Variants in CADM2 observed in about 807,000 individuals in gnomAD.
CADM2 encodes the protein immunoglobulin superfamily member 4D.
Under a neutral mutation model 49.8 loss-of-function variants are expected in CADM2, and 12 were observed. The ratio of observed to expected loss-of-function variants is 0.24; its 90% CI spans 0.15 to 0.39. The LOEUF (loss-of-function observed/expected upper bound fraction) is 0.39, where lower values mean the gene tolerates loss of function less well. Ranked by LOEUF, CADM2 falls within the 10% of genes least tolerant of loss-of-function variation. The pLI is 1.00. For missense variants in CADM2, 378 were observed against 492.3 expected (o/e 0.77, Z 2.20); for synonymous variants, 214 against 175.4 (o/e 1.22, Z -1.74).
chr3:85,799,198 C>T (rs1282369347), intron 2 of CADM2, among the ~76,000 whole-genome samples: 2 of 152,178 alleles, frequency 1.3e-5, no homozygotes, highest in African/African-American at 2.4e-5. Context: ...TCTAAATATA[C>T]AATCATGTCA....
chr3:85,324,863 T>A (rs1559779923), intron 1 of CADM2, among the ~76,000 whole-genome samples: 1 of 152,216 alleles, frequency 6.6e-6, no homozygotes, highest in Non-Finnish European at 1.5e-5. Flanking sequence ...GCCTTTGAAG[T>A]CAGCTGCAGT....
At chr3:85,359,666 A>ATATATATTTTTTTTTTT in intron 1 of CADM2, among the ~76,000 whole-genome samples, 13 of 26,548 alleles carry the variant, frequency 4.9e-4, no homozygotes, top group East Asian at 1.3e-3. Flanking sequence ...ATATATATAT[A>ATATATATTTTTTTTTTT]TTTTTTTTTT....
intron 1 of CADM2, among the ~76,000 whole-genome samples, chr3:85,609,160 T>A (rs1159317943): frequency 1.3e-5 from 2 of 152,022 alleles, no homozygotes; most frequent in South Asian, 4.1e-4. Context: ...CCACTCCTGG[T>A]GTACCAAATA....
intron 1 of CADM2, among the ~76,000 whole-genome samples, chr3:85,365,034 TAATC>T (rs768605727): frequency 4.2e-4 from 64 of 152,178 alleles, no homozygotes; most frequent in African/African-American, 1.4e-3. Flanking sequence ...TTTATGTTCT[TAATC>T]AATAGTTTTT....
intron 3 of CADM2, among the ~76,000 whole-genome samples, chr3:85,829,159 G>T (rs1002279197): frequency 1.8e-4 from 27 of 152,014 alleles, no homozygotes; most frequent in Middle Eastern, 6.9e-3. Flanking sequence ...GCAGAACAAA[G>T]CAGAAAGATG....
intron 1 of CADM2, among the ~76,000 whole-genome samples, chr3:85,603,776 C>G (rs2063480706): frequency 6.6e-6 from 1 of 151,834 alleles, no homozygotes; most frequent in South Asian, 2.1e-4. Context: ...TTTAAAATTC[C>G]AAATAAATCA....
intron 5 of CADM2, among the ~76,000 whole-genome samples, chr3:85,887,464 A>G (rs1713831112): frequency 6.6e-6 from 1 of 152,146 alleles, no homozygotes; most frequent in South Asian, 2.1e-4. Flanking sequence ...GGCTTAGCAG[A>G]TAAGATTGCC....
intron 1 of CADM2, among the ~76,000 whole-genome samples, chr3:85,211,692 C>G (rs1414504998): frequency 1.3e-5 from 2 of 152,090 alleles, no homozygotes; most frequent in African/African-American, 4.8e-5. Flanking sequence ...CGTTTTGCAG[C>G]TTAGCATATG....
At chr3:85,602,554 A>C (rs2063436719) in intron 1 of CADM2, among the ~76,000 whole-genome samples, 1 of 151,746 alleles carries the variant, frequency 6.6e-6, no homozygotes, top group Non-Finnish European at 1.5e-5. Context: ...TTATTTGTTC[A>C]TTGAAGACCA....
intron 1 of CADM2, among the ~76,000 whole-genome samples, chr3:85,250,181 T>C (rs75877340): frequency 6.6e-6 from 1 of 151,626 alleles, no homozygotes; most frequent in African/African-American, 2.4e-5. Context: ...ATTTGCTGAG[T>C]AAAATATTTT....
At chr3:85,635,314 A>G (rs1054935304) in intron 1 of CADM2, among the ~76,000 whole-genome samples, 2 of 152,116 alleles carry the variant, frequency 1.3e-5, no homozygotes, top group African/African-American at 4.8e-5. Context: ...GACACATTCT[A>G]CTATGTCACA....
At chr3:85,644,840 T>C (rs915048874) in intron 1 of CADM2, among the ~76,000 whole-genome samples, 5 of 152,164 alleles carry the variant, frequency 3.3e-5, no homozygotes, top group African/African-American at 1.2e-4. Context: ...TTATTTTCTG[T>C]CAGCTATTTG....
chr3:85,977,370 T>G (rs1486963591), intron 8 of CADM2, among the ~76,000 whole-genome samples: 1 of 151,496 alleles, frequency 6.6e-6, no homozygotes, highest in Non-Finnish European at 1.5e-5. Context: ...ATCATTTACA[T>G]GGAGTTTTAA....
chr3:85,149,099 C>CTT (rs371117754), intron 1 of CADM2, among the ~76,000 whole-genome samples: 51 of 148,066 alleles, frequency 3.4e-4, no homozygotes, highest in African/African-American at 1.2e-3. Flanking sequence ...ATGGTTAGTG[C>CTT]TTTTTTTTTT....
intron 1 of CADM2, among the ~76,000 whole-genome samples, chr3:85,553,075 A>G (rs11927145): frequency 0.31 from 46,416 of 151,984 alleles, 8,117 homozygotes; most frequent in East Asian, 0.55. Context: ...TGTTCTTACA[A>G]TGAAAATAAG....
chr3:85,840,680 G>T (rs1254139713), intron 3 of CADM2, among the ~76,000 whole-genome samples: 1 of 151,742 alleles, frequency 6.6e-6, no homozygotes, highest in Non-Finnish European at 1.5e-5. Flanking sequence ...ACTGTTACTT[G>T]CAGTATCCCT....
chr3:85,147,167 C>A (rs1275135123), intron 1 of CADM2, among the ~76,000 whole-genome samples: 1 of 149,124 alleles, frequency 6.7e-6, no homozygotes, highest in Non-Finnish European at 1.5e-5. Context: ...CCCAGCTACT[C>A]AGGAGGCTGA....
At chr3:85,915,190 T>A (rs1240551118) in intron 6 of CADM2, among the ~76,000 whole-genome samples, 1 of 152,168 alleles carries the variant, frequency 6.6e-6, no homozygotes, top group Non-Finnish European at 1.5e-5. Flanking sequence ...CATATTTCAA[T>A]ATGCATGAAT....
chr3:86,054,602 C>T (rs1031405858), intron 8 of CADM2, among the ~76,000 whole-genome samples: 18 of 152,144 alleles, frequency 1.2e-4, no homozygotes, highest in Middle Eastern at 3.4e-3. Flanking sequence ...TAAACGATCT[C>T]ATTGGCAAAT....
Sources: allele counts gnomAD v4.1 joint callset (sites outside exome capture counted in the v4.1 genomes callset), GRCh38; gene constraint gnomAD v4.1.1; transcripts MANE v1.5; gene names NCBI Gene and HGNC (gene_info 2026-07-23, HGNC 2026-07-21).